SLC25A12: variants seen among roughly 807,000 people sequenced by gnomAD.
The protein encoded by SLC25A12 is electrogenic aspartate/glutamate antiporter SLC25A12, mitochondrial.
A neutral mutation model predicts 83.3 loss-of-function variants in SLC25A12; 32 were observed. That is an observed-to-expected ratio of 0.38 (90% CI 0.29 to 0.52). SLC25A12 has a LOEUF of 0.52. SLC25A12 is among the 20% of genes least tolerant of loss of function. The pLI, the probability that SLC25A12 is intolerant of heterozygous loss-of-function variation, is 0.84. For missense variants in SLC25A12, 611 were observed against 835.6 expected (o/e 0.73, Z 3.31); for synonymous variants, 267 against 291.1 (o/e 0.92, Z 0.84).
rs185934165 is a variant in SLC25A12, at chr2:171,817,535, A to C, written c.931-2333T>G. Among the ~76,000 whole-genome samples the C allele has an allele frequency of 7.3e-3, 917 of 125,672 alleles. 11 individuals are homozygous for C. The highest frequency in any genetic ancestry group is 0.025 in the African/African-American group (860 of 34,138). 82.4% of individuals were successfully genotyped at this position (125,672 alleles called of 152,430 possible). On this transcript the variant is annotated intron_variant, in intron 9 of 17. Coordinates refer to ENST00000422440, the MANE Select transcript of SLC25A12 (RefSeq NM_003705.5). ...GAGCATCACTTGGACCTGGAGGTGG[A>C]GGTTGCTGTGAGCTGAGATCACATC...
At chr2:171,815,556 T>C (rs890580361) in intron 9 of SLC25A12, among the ~76,000 whole-genome samples, 5 of 152,202 alleles carry the variant, frequency 3.3e-5, no homozygotes, top group Admixed American at 3.3e-4. Flanking sequence ...TAAACAAGCA[T>C]TTCAGTTATA....
intron 8 of SLC25A12, among the ~76,000 whole-genome samples, chr2:171,831,260 G>A (rs1684425119): frequency 6.6e-6 from 1 of 152,194 alleles, no homozygotes; most frequent in East Asian, 1.9e-4. Flanking sequence ...CATTTTAGGA[G>A]AAACCCCTGT....
chr2:171,826,790 A>C lies in SLC25A12; in HGVS notation c.930+8T>G, dbSNP rs1404072334. On this transcript the variant is annotated splice_region_variant and intron_variant, in intron 9 of 17. Transcript: ENST00000422440. The stretch of plus-strand genomic sequence containing the variant: ...TTAAGGTGATCATATTTATGAGATT[A>C]CTCATACCTGTCTCTGAAGTTCTGC... The C allele has an allele frequency of 6.7e-7, 1 of 1,485,396 alleles. No homozygotes were observed. The highest frequency in any genetic ancestry group is 1.4e-5 in the African/African-American group (1 of 72,542). 92.0% of individuals were successfully genotyped at this position (1,485,396 alleles called of 1,614,324 possible).
chr2:171,815,330 C>G, intron 9 of SLC25A12, 128 bp from the exon 10 acceptor site: 1 of 680,228 alleles, frequency 1.5e-6, no homozygotes, highest in Non-Finnish European at 2.7e-6. Flanking sequence ...GCAGTAATAT[C>G]TTTTCTAAAA....
Position 171,785,269 on chromosome 2 carries a change from T to C in SLC25A12, c.*5A>G, listed in dbSNP as rs368874798. The C allele has an allele frequency of 6.2e-6, 10 of 1,614,016 alleles. No homozygotes were observed. In the African/African-American group the frequency reaches 1.2e-4, roughly 19 times the overall value. ...GCCATTTTGCCACACTCAACAGTTG[T>C]CTCATCACTGAGTGGCTGCCACTGC... On this transcript the variant is annotated 3_prime_UTR_variant, in exon 18 of 18. Transcript: ENST00000422440.
chr2:171,878,219 A>G (rs1685613473), intron 2 of SLC25A12, among the ~76,000 whole-genome samples: 1 of 152,140 alleles, frequency 6.6e-6, no homozygotes, highest in Non-Finnish European at 1.5e-5. Context: ...TGGGTCAGAA[A>G]ACTTGGGTTC....
chr2:171,827,203 A>G (rs1419381434), intron 8 of SLC25A12, among the ~76,000 whole-genome samples: 1 of 152,202 alleles, frequency 6.6e-6, no homozygotes, highest in Non-Finnish European at 1.5e-5. Flanking sequence ...CCCCAAGGAT[A>G]CCTATCTAAA....
In SLC25A12 at chr2:171,824,008, T is replaced by C. The variant is rs548030790; in HGVS notation, c.930+2790A>G. On this transcript the variant is annotated intron_variant, in intron 9 of 17. Transcript: ENST00000422440. ...CCTTTGGGGACAATGTAAGAATACC[T>C]AAGACTTCTACCAGCTCTCCAGAAA... Among the ~76,000 whole-genome samples the C allele has an allele frequency of 2.6e-5, 4 of 151,922 alleles. No homozygotes were observed. In the East Asian group the frequency reaches 7.8e-4, roughly 29 times the overall value.
intron 4 of SLC25A12, chr2:171,848,180 C>T (rs1444954486): frequency 2.1e-6 from 1 of 471,020 alleles, no homozygotes; most frequent in Non-Finnish European, 4.4e-6. Context: ...TACCTCTGAC[C>T]GGGGCTGGCA....
At chr2:171,795,770 TC>T (rs1181466452) in intron 13 of SLC25A12, among the ~76,000 whole-genome samples, 1 of 150,992 alleles carries the variant, frequency 6.6e-6, no homozygotes, top group Admixed American at 6.6e-5. Context: ...CCAATCCGTG[TC>T]CCCCACCCCC....
At chr2:171,796,585 C>G (rs1683601688) in intron 13 of SLC25A12, among the ~76,000 whole-genome samples, 1 of 152,114 alleles carries the variant, frequency 6.6e-6, no homozygotes, top group African/African-American at 2.4e-5. Flanking sequence ...AGGAGGATTA[C>G]TTGAGCCCAG....
At chr2:171,815,849 A>G (rs944760006) in intron 9 of SLC25A12, among the ~76,000 whole-genome samples, 1 of 152,114 alleles carries the variant, frequency 6.6e-6, no homozygotes, top group Non-Finnish European at 1.5e-5. Flanking sequence ...AAGACCTTCT[A>G]TACTATGTAA....
At chr2:171,831,949 C>T (rs1684440602) in intron 8 of SLC25A12, among the ~76,000 whole-genome samples, 1 of 151,890 alleles carries the variant, frequency 6.6e-6, no homozygotes, top group Non-Finnish European at 1.5e-5. Context: ...GCTAGATCTT[C>T]CCCTGTCTAC....
chr2:171,878,537 G>A (rs900803735), intron 2 of SLC25A12, among the ~76,000 whole-genome samples: 1 of 152,096 alleles, frequency 6.6e-6, no homozygotes, highest in Non-Finnish European at 1.5e-5. Flanking sequence ...TCCCTGGGTT[G>A]GCTTCCAGTA....
intron 13 of SLC25A12, among the ~76,000 whole-genome samples, chr2:171,802,707 C>T (rs568746887): frequency 1.3e-5 from 2 of 152,236 alleles, no homozygotes; most frequent in Admixed American, 6.5e-5. Flanking sequence ...ACCCGGGAAG[C>T]GGAGCTTGCA....
At chr2:171,877,673 A>G (rs558326808) in intron 2 of SLC25A12, among the ~76,000 whole-genome samples, 6 of 88,776 alleles carry the variant, frequency 6.8e-5, no homozygotes, top group Admixed American at 1.0e-4. Flanking sequence ...CCATCCCAGG[A>G]AAAAAAAAAA....
At chr2:171,786,184 G>C (rs1558904469) in intron 17 of SLC25A12, among the ~76,000 whole-genome samples, 1 of 151,316 alleles carries the variant, frequency 6.6e-6, no homozygotes, top group Non-Finnish European at 1.5e-5. Flanking sequence ...GGCTATCCTG[G>C]CTAACACGGT....
chr2:171,866,555 C>G (rs1414659781), intron 3 of SLC25A12, among the ~76,000 whole-genome samples: 1 of 139,722 alleles, frequency 7.2e-6, no homozygotes, highest in African/African-American at 2.6e-5. Flanking sequence ...GCGCCCCTCA[C>G]CTCCCGAACC....
chr2:171,822,511 A>T (rs1045827250), intron 9 of SLC25A12, among the ~76,000 whole-genome samples: 20 of 152,112 alleles, frequency 1.3e-4, no homozygotes, highest in Non-Finnish European at 1.6e-4. Context: ...TGTCTCCCAA[A>T]TAGCTGAGAC....
Sources: gnomAD v4.1 joint callset for allele counts (sites outside exome capture counted in the v4.1 genomes callset) on GRCh38, gnomAD v4.1.1 for gene constraint, MANE v1.5 for transcripts, NCBI Gene and HGNC (gene_info 2026-07-23, HGNC 2026-07-21) for gene names.